The following ADGRB3 variants were observed in gnomAD, a reference collection of about 807,000 sequenced individuals.
ADGRB3 encodes adhesion G protein-coupled receptor B3, also known as brain-specific angiogenesis inhibitor 3.
In ADGRB3, 37 loss-of-function variants were observed where a neutral mutation model predicts 193.4. The observed-to-expected ratio is 0.19, with a 90% CI of 0.15 to 0.25. ADGRB3 has a LOEUF of 0.25. Ranked by LOEUF, ADGRB3 falls within the 10% of genes least tolerant of loss-of-function variation. The pLI is 1.00. For synonymous variants in ADGRB3, 690 were observed against 644.2 expected (o/e 1.07, Z -1.08); for missense variants, 1,637 against 1,852.9 (o/e 0.88, Z 2.14).
rs571275725 is a variant in ADGRB3, at chr6:69,078,709, C to G, written c.2480+2671C>G. Among the ~76,000 whole-genome samples, 4 of 152,096 alleles carry G rather than the reference C, an allele frequency of 2.6e-5. No homozygotes were observed. In the South Asian group the frequency reaches 8.3e-4, roughly 31 times the overall value. On this transcript the variant is annotated intron_variant, in intron 17 of 31. Transcript: ENST00000370598. Reference sequence around the variant, plus strand: ...CTGAGGATATCTCTGCTCACATAATCCAAAATGTTGCCCTGTTGTTCTCTT... The same window carrying G: ...CTGAGGATATCTCTGCTCACATAATGCAAAATGTTGCCCTGTTGTTCTCTT...
Position 69,058,749 on chromosome 6 carries a change from T to C in ADGRB3, c.2334-4185T>C, listed in dbSNP as rs982541998. ...TGTTTGATTTCTACATATTTCTCAATTTTTCAGTGTTTTTCTTAGTATTGA... is the reference window on the plus strand; with the variant it reads ...TGTTTGATTTCTACATATTTCTCAACTTTTCAGTGTTTTTCTTAGTATTGA... On this transcript the variant is annotated intron_variant, in intron 15 of 31. Coordinates refer to ENST00000370598, the MANE Select transcript of ADGRB3 (RefSeq NM_001704.3). 3.9e-5 allele frequency among the ~76,000 whole-genome samples: 6 copies of C among 152,098 alleles called. 1 individual carries two copies. In the East Asian group the frequency reaches 7.7e-4, roughly 20 times the overall value.
rs752799769 is a variant in ADGRB3, at chr6:68,638,975, T to A, written c.300T>A (p.Asp100Glu). The A allele has an allele frequency of 3.1e-6, 5 of 1,613,842 alleles. No individual in the cohort carries two copies. In the African/African-American group the frequency reaches 4.0e-5, roughly 13 times the overall value. ...FDHFSHEKIKDLLRKNHSIMQ... is the reference protein window; with the variant it reads ...FDHFSHEKIKELLRKNHSIMQ... ...ATTTTTCCCATGAAAAAATAAAGGA[T>A]CTTTTAAGAAAGAATCATTCTATAA... The change falls in exon 3 of 32, where the codon GAT becomes GAA. Residue 100 changes from aspartate to glutamate, a missense_variant. Physicochemically the swap from Asp to Glu is conservative, Grantham distance 45. Around this residue, in one of 7 missense-constraint regions of ADGRB3, gnomAD observed 365 missense variants for 409.8 expected, o/e 0.89. Coordinates refer to ENST00000370598, the MANE Select transcript of ADGRB3 (RefSeq NM_001704.3).
intron 17 of ADGRB3, among the ~76,000 whole-genome samples, chr6:69,097,833 T>C (rs1772927054): frequency 6.6e-6 from 1 of 152,154 alleles, no homozygotes; most frequent in Admixed American, 6.6e-5. Context: ...TGGAAAATTA[T>C]AGTCTTCCTT....
At chr6:69,351,847 T>G (rs1193736776) in intron 26 of ADGRB3, among the ~76,000 whole-genome samples, 1 of 152,202 alleles carries the variant, frequency 6.6e-6, no homozygotes, top group Non-Finnish European at 1.5e-5. Flanking sequence ...GCTTTGAAGG[T>G]CTGAAAATTG....
At chr6:69,096,447 C>G (rs1343678752) in intron 17 of ADGRB3, among the ~76,000 whole-genome samples, 2 of 147,156 alleles carry the variant, frequency 1.4e-5, no homozygotes, top group Non-Finnish European at 3.0e-5. Context: ...TTCCTGAGAT[C>G]AAGAAAACCA....
At chr6:69,064,017 T>C (rs1473358976) in intron 16 of ADGRB3, among the ~76,000 whole-genome samples, 1 of 151,974 alleles carries the variant, frequency 6.6e-6, no homozygotes, top group Non-Finnish European at 1.5e-5. Flanking sequence ...ATTAAGTCAT[T>C]ATCCCAAGCC....
intron 13 of ADGRB3, among the ~76,000 whole-genome samples, chr6:69,040,692 A>AAAC (rs1771033794): frequency 6.9e-6 from 1 of 144,692 alleles, no homozygotes; most frequent in Non-Finnish European, 1.5e-5. Flanking sequence ...AAAAAAAAAA[A>AAAC]AAAAAAAAAA....
At chr6:69,296,356 T>G (rs1427170025) in intron 20 of ADGRB3, among the ~76,000 whole-genome samples, 4 of 152,096 alleles carry the variant, frequency 2.6e-5, no homozygotes, top group African/African-American at 9.7e-5. Flanking sequence ...CTCAGCCATG[T>G]TTTCATCTCA....
chr6:68,932,453 A>G (rs1167517098), intron 4 of ADGRB3, among the ~76,000 whole-genome samples: 1 of 152,170 alleles, frequency 6.6e-6, no homozygotes, highest in Non-Finnish European at 1.5e-5. Context: ...GGAATTACTA[A>G]TTTCAAAATG....
At chr6:69,384,028 CG>C (rs1770008106) in intron 31 of ADGRB3, among the ~76,000 whole-genome samples, 1 of 151,908 alleles carries the variant, frequency 6.6e-6, no homozygotes, top group African/African-American at 2.4e-5. Flanking sequence ...ATGTTAGCTT[CG>C]GAAGAGCTGA....
chr6:69,189,871 A>G (rs759111176), intron 17 of ADGRB3, among the ~76,000 whole-genome samples: 1 of 152,324 alleles, frequency 6.6e-6, no homozygotes, highest in African/African-American at 2.4e-5. Context: ...GTTGTGGTCA[A>G]TGATGGACTA....
chr6:69,092,400 CAAAT>C (rs1191235927), intron 17 of ADGRB3, among the ~76,000 whole-genome samples: 1 of 152,070 alleles, frequency 6.6e-6, no homozygotes, highest in Admixed American at 6.6e-5. Flanking sequence ...TGTCTTTCAC[CAAAT>C]AGACTGTAAA....
intron 8 of ADGRB3, among the ~76,000 whole-genome samples, chr6:68,957,019 T>G (rs544026642): frequency 6.6e-6 from 1 of 152,300 alleles, no homozygotes; most frequent in South Asian, 2.1e-4. Flanking sequence ...TTGTGGAGAT[T>G]ACAAAACAAG....
chr6:68,772,888 AAAAAAAATAT>A (rs1240291472), intron 3 of ADGRB3, among the ~76,000 whole-genome samples: 528 of 51,892 alleles, frequency 0.01, 8 homozygotes, highest in East Asian at 0.038. Flanking sequence ...CAAACAAAAA[AAAAAAAATAT>A]ATATATATAT....
At chr6:68,967,093 T>C (rs142874855) in intron 8 of ADGRB3, among the ~76,000 whole-genome samples, 1 of 152,330 alleles carries the variant, frequency 6.6e-6, no homozygotes, top group East Asian at 1.9e-4. Flanking sequence ...AGTTTGCACC[T>C]GTGAATCTAT....
chr6:68,824,883 A>G (rs188840586), intron 3 of ADGRB3, among the ~76,000 whole-genome samples: 1 of 151,896 alleles, frequency 6.6e-6, no homozygotes, highest in African/African-American at 2.4e-5. Flanking sequence ...GAGACAGAGT[A>G]TCACTCTGTC....
chr6:69,018,323 A>T (rs891064548), intron 12 of ADGRB3, 68 bp from the exon 13 acceptor site: 1 of 971,490 alleles, frequency 1.0e-6, no homozygotes, highest in African/African-American at 1.7e-5. Context: ...AGTTTAAAAA[A>T]ATTCAGTTAT....
chr6:68,817,543 C>G (rs115621639), intron 3 of ADGRB3, among the ~76,000 whole-genome samples: 1 of 151,158 alleles, frequency 6.6e-6, no homozygotes, highest in Non-Finnish European at 1.5e-5. Flanking sequence ...TAAAATAGTA[C>G]TTTTCAGTGA....
At position 69,387,313 on chromosome 6, in the gene ADGRB3, G is replaced by A. The variant is rs564970895; in HGVS notation, c.4381-1390G>A. Among the ~76,000 whole-genome samples the A allele has an allele frequency of 3.9e-5, 6 of 152,080 alleles. No homozygotes were observed. In the South Asian group the frequency reaches 1.2e-3, roughly 32 times the overall value. ...AATATTGATTGAAGAGAAGCAGAGA[G>A]GGAGAGAGGAAAGAAAGGAAGGATA... On this transcript the variant is annotated intron_variant, in intron 31 of 31. Transcript: ENST00000370598.
Sources: gnomAD v4.1 joint callset for allele counts (sites outside exome capture counted in the v4.1 genomes callset) on GRCh38, gnomAD v4.1.1 for gene constraint, gnomAD v4.1.1 regional missense constraint, MANE v1.5 for transcripts, NCBI Gene and HGNC (gene_info 2026-07-23, HGNC 2026-07-21) for gene names.